Variants in PRR5L observed in about 807,000 individuals in gnomAD.
PRR5L encodes the protein proline-rich protein 5-like.
Under a neutral mutation model 36.4 loss-of-function variants are expected in PRR5L, and 21 were observed. That is an observed-to-expected ratio of 0.58 (90% CI 0.41 to 0.83). The LOEUF (loss-of-function observed/expected upper bound fraction) is 0.83. Ranked by LOEUF, PRR5L falls within the 40% of genes least tolerant of loss-of-function variation. The pLI, the probability that PRR5L is intolerant of heterozygous loss-of-function variation, is 0.00. For missense variants in PRR5L, 381 were observed against 473.3 expected (o/e 0.80, Z 1.81); for synonymous variants, 188 against 197.0 (o/e 0.95, Z 0.38).
intron 4 of PRR5L, among the ~76,000 whole-genome samples, chr11:36,428,985 TAA>T (rs1039696921): frequency 2.2e-4 from 34 of 152,322 alleles, no homozygotes; most frequent in Admixed American, 1.4e-3. Context: ...TGACAAATTT[TAA>T]AAGAGTATTT....
At chr11:36,321,454 G>A (rs1590439294) in intron 1 of PRR5L, 2 of 152,178 alleles carry the variant, frequency 1.3e-5, no homozygotes, top group African/African-American at 4.8e-5. Flanking sequence ...AGGCTCATTT[G>A]CCCAGGTTAG....
intron 1 of PRR5L, among the ~76,000 whole-genome samples, chr11:36,319,391 T>C (rs950338807): frequency 6.6e-6 from 1 of 152,242 alleles, no homozygotes; most frequent in Non-Finnish European, 1.5e-5. Flanking sequence ...AGAAATGTCA[T>C]CTGAGTCCCT....
At chr11:36,438,560 C>G (rs1007338289) in intron 6 of PRR5L, among the ~76,000 whole-genome samples, 2 of 152,190 alleles carry the variant, frequency 1.3e-5, no homozygotes, top group African/African-American at 4.8e-5. Flanking sequence ...TGTCCTGTAG[C>G]CTGCAGAAAC....
chr11:36,406,315 CA>C (rs1347162647), intron 3 of PRR5L, among the ~76,000 whole-genome samples: 2 of 151,890 alleles, frequency 1.3e-5, no homozygotes, highest in Non-Finnish European at 2.9e-5. Context: ...ACTATGTGCC[CA>C]GATATAAATT....
At chr11:36,391,884 A>G (rs533768986) in intron 1 of PRR5L, among the ~76,000 whole-genome samples, 59 of 152,310 alleles carry the variant, frequency 3.9e-4, no homozygotes, top group African/African-American at 1.4e-3. Flanking sequence ...TAGTCACCCT[A>G]TTGTGCTATC....
chr11:36,359,092 C>T (rs921530615), intron 1 of PRR5L, among the ~76,000 whole-genome samples: 5 of 152,146 alleles, frequency 3.3e-5, no homozygotes, highest in African/African-American at 1.2e-4. Context: ...ATTTGAGTCC[C>T]AGTGCTGCCA....
chr11:36,454,575 T>C (rs331469), intron 8 of PRR5L: 152,143 of 152,338 alleles, frequency 1, 75,975 homozygotes, highest in East Asian at 1. Context: ...TGGGGGCCAC[T>C]CATCCCTTCA....
intron 1 of PRR5L, among the ~76,000 whole-genome samples, chr11:36,350,688 A>AC (rs941312747): frequency 2.0e-5 from 3 of 149,884 alleles, no homozygotes; most frequent in Non-Finnish European, 4.4e-5. Context: ...ATCCTTCACC[A>AC]CCCTCCCACC....
At chr11:36,414,772 A>G (rs968070015) in intron 3 of PRR5L, among the ~76,000 whole-genome samples, 1 of 148,134 alleles carries the variant, frequency 6.8e-6, no homozygotes, top group Non-Finnish European at 1.5e-5. Flanking sequence ...GTGTTCAGAC[A>G]TGAAGTCCTT....
intron 4 of PRR5L, among the ~76,000 whole-genome samples, chr11:36,426,876 CTGGGAAGA>C (rs1858393876): frequency 6.6e-6 from 1 of 152,208 alleles, no homozygotes; most frequent in South Asian, 2.1e-4. Flanking sequence ...GTTCTTCCTG[CTGGGAAGA>C]TGGGGTTCTC....
At chr11:36,404,277 T>G (rs199574064) in intron 3 of PRR5L, among the ~76,000 whole-genome samples, 11 of 136,198 alleles carry the variant, frequency 8.1e-5, no homozygotes, top group South Asian at 2.2e-4. Context: ...TCTTTTTTTT[T>G]TTTTTTTTTT....
chr11:36,310,080 G>A (rs577129717), intron 1 of PRR5L, among the ~76,000 whole-genome samples: 17 of 51,436 alleles, frequency 3.3e-4, no homozygotes, highest in Middle Eastern at 5.9e-3. Flanking sequence ...TCATCATTCC[G>A]TGGCTTGACA....
At chr11:36,429,932 A>G (rs1267041617) in intron 4 of PRR5L, among the ~76,000 whole-genome samples, 1 of 152,228 alleles carries the variant, frequency 6.6e-6, no homozygotes, top group Admixed American at 6.5e-5. Flanking sequence ...AAGTCTTGCC[A>G]TGACCCAGCT....
intron 1 of PRR5L, among the ~76,000 whole-genome samples, chr11:36,304,230 T>G (rs1856406617): frequency 6.6e-6 from 1 of 152,228 alleles, no homozygotes; most frequent in South Asian, 2.1e-4. Context: ...GACATGGATC[T>G]GCAGAATAAA....
Position 36,337,474 on chromosome 11 carries a change from C to T in PRR5L, c.-126+41036C>T, listed in dbSNP as rs572309599. Among the ~76,000 whole-genome samples, 6 of 152,338 alleles carry T rather than the reference C, an allele frequency of 3.9e-5. No individual in the cohort carries two copies. In the South Asian group the frequency reaches 1.2e-3, roughly 32 times the overall value. On this transcript the variant is annotated intron_variant, in intron 1 of 8. Coordinates refer to ENST00000530639, the MANE Select transcript of PRR5L (RefSeq NM_001160167.2). ...AAATGTATGCTCTTTGTAAATTACT[C>T]AGCCTAGGGCATTCTGTTACAGCAT...
rs533648627 is a variant in PRR5L, at chr11:36,304,160, C to A, written c.-126+7722C>A. On this transcript the variant is annotated intron_variant, in intron 1 of 8. Coordinates refer to ENST00000530639, the MANE Select transcript of PRR5L (RefSeq NM_001160167.2). ...TTTCTTGCTAAAGGCCTCAAGAATT[C>A]CTCATTATTTTTTTCTGTGTCAAAA... 4.1e-4 allele frequency among the ~76,000 whole-genome samples: 63 copies of A among 152,306 alleles called. 1 individual carries two copies. In the South Asian group the frequency reaches 0.012, roughly 30 times the overall value.
chr11:36,417,709 G>A (rs1207920201), intron 3 of PRR5L, among the ~76,000 whole-genome samples: 1 of 152,164 alleles, frequency 6.6e-6, no homozygotes, highest in African/African-American at 2.4e-5. Flanking sequence ...CTATTCTTTT[G>A]TCTTAATTTT....
chr11:36,380,268 G>C (rs999790203), intron 1 of PRR5L, among the ~76,000 whole-genome samples: 4 of 152,286 alleles, frequency 2.6e-5, no homozygotes, highest in African/African-American at 9.6e-5. Context: ...TGAATATAGA[G>C]AATTACTAGC....
At chr11:36,433,384 C>A (rs1858540254) in intron 5 of PRR5L, among the ~76,000 whole-genome samples, 1 of 152,154 alleles carries the variant, frequency 6.6e-6, no homozygotes, top group African/African-American at 2.4e-5. Flanking sequence ...TAGTTTTATT[C>A]AGCATAAGGT....
Sources: allele counts gnomAD v4.1 joint callset (sites outside exome capture counted in the v4.1 genomes callset), GRCh38; gene constraint gnomAD v4.1.1; transcripts MANE v1.5; gene names NCBI Gene and HGNC (gene_info 2026-07-23, HGNC 2026-07-21).